The following PRDM11 variants were observed in gnomAD, a reference collection of about 807,000 sequenced individuals.
PRDM11 encodes PR/SET domain 11.
In PRDM11, 20 loss-of-function variants were observed where a neutral mutation model predicts 97.8. The ratio of observed to expected loss-of-function variants is 0.20; its 90% confidence interval spans 0.14 to 0.30. PRDM11 has a LOEUF of 0.30. PRDM11 is among the 10% of genes least tolerant of loss of function. The probability of loss-of-function intolerance (pLI) is 1.00; values close to 1 mark genes in which losing one functional copy is unlikely to be tolerated. For synonymous variants in PRDM11, 599 were observed against 637.7 expected, an observed-to-expected ratio of 0.94 and a Z score of 0.91; for missense variants, 1,139 against 1,555.2, an observed-to-expected ratio of 0.73 and a Z score of 4.50.
intron 1 of PRDM11, among the ~76,000 whole-genome samples, chr11:45,098,844 G>A (rs1005361228): frequency 4.6e-5 from 7 of 152,160 alleles, no homozygotes; most frequent in African/African-American, 9.7e-5. Flanking sequence ...ACAGGAAGGC[G>A]GGCGAAGGTG....
intron 1 of PRDM11, among the ~76,000 whole-genome samples, chr11:45,150,752 G>T (rs1851639675): frequency 6.6e-6 from 1 of 152,334 alleles, no homozygotes; most frequent in South Asian, 2.1e-4. Flanking sequence ...CAGTGAAGGG[G>T]CTGCAGAACA....
chr11:45,097,300 A>G (rs1202169390), intron 1 of PRDM11, among the ~76,000 whole-genome samples: 1 of 152,174 alleles, frequency 6.6e-6, no homozygotes, highest in Non-Finnish European at 1.5e-5. Flanking sequence ...ATGTAAACTG[A>G]AGGCACTGGA....
intron 1 of PRDM11, among the ~76,000 whole-genome samples, chr11:45,159,163 G>C (rs1217187807): frequency 6.6e-6 from 1 of 152,164 alleles, no homozygotes; most frequent in African/African-American, 2.4e-5. Flanking sequence ...CTGGCCCCAG[G>C]CCCAGGACAG....
Position 45,149,109 on chromosome 11 carries a change from A to C in PRDM11, c.-7+2232A>C, listed in dbSNP as rs541051400. Among the ~76,000 whole-genome samples, 3 of 152,166 alleles carry C rather than the reference A, an allele frequency of 2.0e-5. No homozygotes were observed. In the South Asian group the frequency reaches 6.2e-4, roughly 32 times the overall value. On this transcript the variant is annotated intron_variant, in intron 1 of 7. Transcript: ENST00000683152. Reference sequence around the variant, plus strand: ...CACTTCTCTCCATCCCCTCTTCCCCAGTGTTGTAGTCAAGCCATCGCTGTC... The same window carrying C: ...CACTTCTCTCCATCCCCTCTTCCCCCGTGTTGTAGTCAAGCCATCGCTGTC...
chr11:45,122,312 A>AT (rs34240582), intron 1 of PRDM11, among the ~76,000 whole-genome samples: 8 of 150,220 alleles, frequency 5.3e-5, no homozygotes, highest in African/African-American at 7.3e-5. Context: ...ATATCATGGT[A>AT]TTTTTTTTAT....
intron 1 of PRDM11, among the ~76,000 whole-genome samples, chr11:45,138,174 C>CA (rs1403250346): frequency 1.3e-5 from 2 of 151,898 alleles, no homozygotes; most frequent in Non-Finnish European, 2.9e-5. Flanking sequence ...AAAGGGAGCC[C>CA]AATGAACAGG....
At chr11:45,122,236 C>CACACACACACACACACACAG (rs570495237) in intron 1 of PRDM11, among the ~76,000 whole-genome samples, 2 of 144,514 alleles carry the variant, frequency 1.4e-5, no homozygotes, top group Non-Finnish European at 1.5e-5. Context: ...CACACACACA[C>CACACACACACACACACACAG]AGAGAGAAAC....
intron 5 of PRDM11, chr11:45,212,904 G>A (rs760594204): frequency 2.4e-6 from 1 of 419,698 alleles, no homozygotes; most frequent in South Asian, 1.8e-5. Flanking sequence ...TCTCAGCGGG[G>A]GCCAGAAGGG....
chr11:45,127,524 TC>T lies in PRDM11; in HGVS notation c.96+31625del, dbSNP rs1852603589. 2.6e-5 allele frequency among the ~76,000 whole-genome samples: 4 copies of T among 152,336 alleles called. 1 individual carries two copies. The South Asian group carries it at 8.3e-4, about 32-fold the overall frequency. Reference sequence around the variant, plus strand: ...TACAGATGGGTTTTTGGTGTGGATGTCCTTTCTGTTTGTTAGTTTTCCTTCT... The same window carrying T: ...TACAGATGGGTTTTTGGTGTGGATGTCTTTCTGTTTGTTAGTTTTCCTTCT... On this transcript the variant is annotated intron_variant, in intron 1 of 6. Coordinates refer to the PRDM11 transcript ENST00000530656.
intron 4 of PRDM11, among the ~76,000 whole-genome samples, chr11:45,186,118 A>G (rs1252566278): frequency 6.6e-6 from 1 of 152,230 alleles, no homozygotes; most frequent in Non-Finnish European, 1.5e-5. Context: ...TCTGACCTCT[A>G]GAACTATAAG....
chr11:45,137,716 C>A (rs558584766), intron 1 of PRDM11, among the ~76,000 whole-genome samples: 2 of 152,312 alleles, frequency 1.3e-5, no homozygotes, highest in South Asian at 4.1e-4. Context: ...GAACTCCAAT[C>A]CAGCCTGGGT....
chr11:45,138,144 T>C (rs1263488737), intron 1 of PRDM11, among the ~76,000 whole-genome samples: 1 of 152,128 alleles, frequency 6.6e-6, no homozygotes, highest in Non-Finnish European at 1.5e-5. Flanking sequence ...CACCAGATAT[T>C]TGAAGAAAGC....
At chr11:45,170,200 A>C (rs1852167749) in intron 1 of PRDM11, among the ~76,000 whole-genome samples, 1 of 152,104 alleles carries the variant, frequency 6.6e-6, no homozygotes, top group African/African-American at 2.4e-5. Context: ...AAAATTAGCC[A>C]GGCGTGGTGA....
At chr11:45,168,131 A>G (rs1852111388) in intron 1 of PRDM11, among the ~76,000 whole-genome samples, 1 of 152,188 alleles carries the variant, frequency 6.6e-6, no homozygotes, top group Admixed American at 6.5e-5. Context: ...AGATTGGGCA[A>G]ATACACAGCC....
intron 1 of PRDM11, among the ~76,000 whole-genome samples, chr11:45,126,938 A>T (rs1852588761): frequency 6.6e-6 from 1 of 152,212 alleles, no homozygotes; most frequent in Non-Finnish European, 1.5e-5. Flanking sequence ...GTGTTTTCCA[A>T]CTTGGTTCCA....
intron 5 of PRDM11, chr11:45,213,496 G>T (rs1483022869): frequency 2.2e-6 from 1 of 456,270 alleles, no homozygotes; most frequent in Admixed American, 2.3e-5. Flanking sequence ...GGTCCTTCAG[G>T]GAGGGGTCTA....
intron 1 of PRDM11, among the ~76,000 whole-genome samples, chr11:45,163,541 G>C (rs1407040338): frequency 6.6e-6 from 1 of 152,062 alleles, no homozygotes; most frequent in South Asian, 2.1e-4. Flanking sequence ...AGCTGCTCCT[G>C]ATCGTAGGGA....
rs1854296543 is a variant in PRDM11, at chr11:45,227,195, A to G, written c.2570A>G (p.Gln857Arg). 16 of 1,533,972 alleles carry G rather than the reference A, an allele frequency of 1.0e-5. No individual in the cohort carries two copies. The highest frequency in any genetic ancestry group is 1.2e-5 in the Non-Finnish European group (14 of 1,146,736). ...CTCAAGGAGGTCAGCAGCCAGACCC[A>G]GCGGGCAGACGCCTCGGCCATCGCA... ...AHLKEVSSQT[Q>R]RADASAIALA... The change falls in exon 8 of 8, where the codon CAG (glutamine) becomes CGG (arginine). Residue 857 changes from glutamine to arginine, a missense_variant. Physicochemically the swap from Gln to Arg is conservative, Grantham distance 43 (BLOSUM62 1). Coordinates refer to ENST00000683152, the MANE Select transcript of PRDM11 (RefSeq NM_001384648.1). The surrounding 1 kb of genome is among the most constrained non-coding windows in gnomAD (Gnocchi z 8.0).
intron 1 of PRDM11, among the ~76,000 whole-genome samples, chr11:45,154,017 T>C (rs1851727610): frequency 6.6e-6 from 1 of 152,168 alleles, no homozygotes; most frequent in African/African-American, 2.4e-5. Flanking sequence ...GGTTGCCTAT[T>C]TGTATTACAT....
Sources: gnomAD v4.1 joint callset for allele counts (sites outside exome capture counted in the v4.1 genomes callset) on GRCh38, gnomAD v4.1.1 for gene constraint, Gnocchi (gnomAD v3.1) non-coding constraint, MANE v1.5 for transcripts, NCBI Gene and HGNC (gene_info 2026-07-23, HGNC 2026-07-21) for gene names.